The following CCDC40 variants were observed in gnomAD, a reference collection of about 807,000 sequenced individuals.
CCDC40 encodes coiled-coil domain 40 molecular ruler complex subunit, also known as coiled-coil domain-containing protein 40.
Under a neutral mutation model 124.5 loss-of-function variants are expected in CCDC40, and 104 were observed. The observed-to-expected ratio is 0.84, with a 90% CI of 0.71 to 0.98. The LOEUF is 0.98. CCDC40 is among the 50% of genes least tolerant of loss of function. The pLI is 0.00. For synonymous variants in CCDC40, 580 were observed against 602.9 expected, an observed-to-expected ratio of 0.96 and a Z score of 0.56; for missense variants, 1,463 against 1,503.9, an observed-to-expected ratio of 0.97 and a Z score of 0.45.
At chr17:80,065,742 C>T in intron 10 of CCDC40, 136 bp downstream of exon 10, 1 of 1,205,788 alleles carries the variant, frequency 8.3e-7, no homozygotes, top group Non-Finnish European at 1.2e-6. Context: ...GTCCGGGCTT[C>T]CGTCCGGAAA....
At chr17:80,088,948 G>T (rs2038645400) in intron 16 of CCDC40, among the ~76,000 whole-genome samples, 1 of 152,182 alleles carries the variant, frequency 6.6e-6, no homozygotes, top group South Asian at 2.1e-4. Flanking sequence ...GGTTTCCTTT[G>T]TGATAAAGTT....
intron 9 of CCDC40, among the ~76,000 whole-genome samples, 182 bp from the exon 10 acceptor site, chr17:80,065,303 C>T (rs563712124): frequency 2.7e-5 from 4 of 146,956 alleles, no homozygotes; most frequent in South Asian, 4.5e-4. Context: ...AAAGCGGGTA[C>T]GGGTTATCTT....
intron 7 of CCDC40, among the ~76,000 whole-genome samples, chr17:80,057,956 C>T (rs1354727332): frequency 6.6e-6 from 1 of 152,184 alleles, no homozygotes. Context: ...TCTGAGAGCA[C>T]TGACATAAAT....
At chr17:80,064,664 C>A (rs1179077514) in intron 9 of CCDC40, among the ~76,000 whole-genome samples, 1 of 151,908 alleles carries the variant, frequency 6.6e-6, no homozygotes, top group Non-Finnish European at 1.5e-5. Flanking sequence ...TGAACCACCC[C>A]CCTAGTTTTC....
intron 12 of CCDC40, 67 bp downstream of exon 12, chr17:80,082,125 G>A (rs562463715): frequency 1.2e-5 from 18 of 1,456,718 alleles, no homozygotes; most frequent in East Asian, 6.9e-5. Flanking sequence ...AGGGCAAGCC[G>A]TCCTGGAGGC....
In CCDC40 at chr17:80,050,172, G is replaced by T; in HGVS notation, c.1048G>T (p.Asp350Tyr). Reference protein sequence around the residue: ...HLQKLLEKSHDRHAMASSERR... With the variant: ...HLQKLLEKSHYRHAMASSERR... ...GCAGAAGCTGCTGGAGAAGAGTCAC[G>T]ACCGCCACGCAATGGCCTCGAGCGA... is the stretch of plus-strand genomic sequence containing the variant. The change falls in exon 7 of 20, where the codon GAC becomes TAC. Residue 350 changes from aspartate (D) to tyrosine (Y), a missense_variant. By Grantham distance (160) the Asp-to-Tyr change is radical. Transcript: ENST00000397545. 1.2e-6 allele frequency: 2 copies of T among 1,613,308 alleles called. No individual in the cohort carries two copies. The highest frequency in any genetic ancestry group is 2.2e-5 in the South Asian group (2 of 91,030).
At chr17:80,078,191 C>A (rs538454774) in intron 10 of CCDC40, among the ~76,000 whole-genome samples, 2 of 151,708 alleles carry the variant, frequency 1.3e-5, no homozygotes, top group African/African-American at 4.8e-5. Flanking sequence ...ATTAGCCGGG[C>A]GTGGTGGCGG....
intron 10 of CCDC40, among the ~76,000 whole-genome samples, chr17:80,078,330 CAAA>C (rs71163916): frequency 8.9e-5 from 6 of 67,148 alleles, no homozygotes; most frequent in East Asian, 3.7e-4. Flanking sequence ...GACTCTGTCT[CAAA>C]AAAAAAAAAA....
At chr17:80,091,302 TACACACACACACACAC>T (rs71163919) in intron 17 of CCDC40, among the ~76,000 whole-genome samples, 19 of 139,528 alleles carry the variant, frequency 1.4e-4, no homozygotes, top group African/African-American at 2.4e-4. Flanking sequence ...ACCAGTAGAC[TACACACACACACACAC>T]ACACACACAC....
intron 19 of CCDC40, among the ~76,000 whole-genome samples, chr17:80,099,253 T>G (rs973230567): frequency 6.6e-6 from 1 of 151,528 alleles, no homozygotes; most frequent in Non-Finnish European, 1.5e-5. Flanking sequence ...ATCGCACCGC[T>G]GCACTCCAGC....
chr17:80,093,276 G>T (rs1188363817), intron 17 of CCDC40, among the ~76,000 whole-genome samples: 1 of 152,136 alleles, frequency 6.6e-6, no homozygotes, highest in Non-Finnish European at 1.5e-5. Flanking sequence ...CCACCTCCTG[G>T]GTTCGAGCAA....
chr17:80,086,815 G>A lies in CCDC40; in HGVS notation c.2449+599G>A, dbSNP rs187542092. 6 of 163,222 alleles carry A rather than the reference G, an allele frequency of 3.7e-5. No homozygotes were observed. In the East Asian group the frequency reaches 1.1e-3, roughly 29 times the overall value. The allele number at this position is 163,222 out of a possible 1,614,324, so 10.1% of individuals were successfully genotyped here. On this transcript the variant is annotated intron_variant, in intron 14 of 19. Transcript: ENST00000397545. The surrounding 1 kb of genome is among the most constrained non-coding windows in gnomAD (Gnocchi z 5.5). ...CAGCAGAGCCCCCATGGGAAATGCT[G>A]CCCAGACACATCATGTGCCCTTCTC...
Position 80,066,375 on chromosome 17 carries a change from T to C in CCDC40, c.1562+769T>C. The C allele has an allele frequency of 1.8e-6, 1 of 566,178 alleles. No homozygotes were observed. 35.1% of individuals were successfully genotyped at this position (566,178 alleles called of 1,614,324 possible). On this transcript the variant is annotated intron_variant, in intron 10 of 19. Transcript: ENST00000397545. The surrounding 1 kb of genome is among the most constrained non-coding windows in gnomAD (Gnocchi z 4.4). ...ACCAGGAGATGCTTTTCCTTTTGGG[T>C]GCTGTGATTAAAGAAACAAAATGAA... is the stretch of plus-strand genomic sequence containing the variant.
chr17:80,069,160 C>T (rs2038125731), intron 10 of CCDC40, among the ~76,000 whole-genome samples: 2 of 152,154 alleles, frequency 1.3e-5, no homozygotes, highest in African/African-American at 4.8e-5. Flanking sequence ...TTCTCTTTCC[C>T]CATGCCTTTG....
chr17:80,042,409 C>T lies in CCDC40; in HGVS notation c.552+2139C>T, dbSNP rs147548819. 1.2e-4 allele frequency among the ~76,000 whole-genome samples: 19 copies of T among 152,286 alleles called. No individual in the cohort carries two copies. In the East Asian group the frequency reaches 2.9e-3, roughly 23 times the overall value. Reference sequence around the variant, plus strand: ...TGTTGGGATTACAGGTGTGAGCCATCGCTCCTGCCCAGTATTTCACATTTT... The same window carrying T: ...TGTTGGGATTACAGGTGTGAGCCATTGCTCCTGCCCAGTATTTCACATTTT... On this transcript the variant is annotated intron_variant, in intron 3 of 19. Transcript: ENST00000397545.
chr17:80,080,088 G>A (rs113130081), intron 10 of CCDC40, among the ~76,000 whole-genome samples: 6,180 of 152,194 alleles, frequency 0.041, 181 homozygotes, highest in Non-Finnish European at 0.063. Flanking sequence ...AGCTGGGCAT[G>A]GTGGCACACA....
Position 80,083,075 on chromosome 17 carries a change from G to A in CCDC40, c.1989+1017G>A, listed in dbSNP as rs1197024510. 3.3e-5 allele frequency among the ~76,000 whole-genome samples: 5 copies of A among 152,114 alleles called. No individual in the cohort carries two copies. The East Asian group carries it at 9.6e-4, about 29-fold the overall frequency. The stretch of plus-strand genomic sequence containing the variant: ...CACGGGGTCCAGGCAGTTAATCCAG[G>A]GATGGTGTAGATGCCTAGGGGGAGC... On this transcript the variant is annotated intron_variant, in intron 12 of 19. Transcript: ENST00000397545.
At chr17:80,056,605 C>G (rs1335810585) in intron 7 of CCDC40, among the ~76,000 whole-genome samples, 1 of 152,030 alleles carries the variant, frequency 6.6e-6, no homozygotes, top group African/African-American at 2.4e-5. Flanking sequence ...CAAAGTGACA[C>G]CCTGTCTCAG....
At position 80,038,188 on chromosome 17, in the gene CCDC40, TA is replaced by T; in HGVS notation, c.93+6del. 4.4e-6 allele frequency: 7 copies of T among 1,584,972 alleles called. No individual in the cohort carries two copies. The highest frequency in any genetic ancestry group is 6.1e-6 in the Non-Finnish European group (7 of 1,154,412). On this transcript the variant is annotated splice_donor_region_variant and intron_variant, in intron 2 of 19. Coordinates refer to ENST00000397545, the MANE Select transcript of CCDC40 (RefSeq NM_017950.4). ...GAAGGGAATAATGAAAGCCACATGG[TA>T]AAATTCCCTATGGGCAGTTATTCCG...
Sources: gnomAD v4.1 joint callset for allele counts (sites outside exome capture counted in the v4.1 genomes callset) on GRCh38, gnomAD v4.1.1 for gene constraint, Gnocchi (gnomAD v3.1) non-coding constraint, MANE v1.5 for transcripts, NCBI Gene and HGNC (gene_info 2026-07-23, HGNC 2026-07-21) for gene names.